The following SNTB1 variants were observed in gnomAD, a reference collection of about 807,000 sequenced individuals.
SNTB1 encodes the protein beta-1-syntrophin.
In SNTB1, 36 loss-of-function variants were observed where a neutral mutation model predicts 48.9. The ratio of observed to expected loss-of-function variants is 0.74; its 90% CI spans 0.56 to 0.97. The LOEUF is 0.97. Ranked by LOEUF, SNTB1 falls within the 50% of genes least tolerant of loss-of-function variation. SNTB1 has a pLI of 0.00. For missense variants in SNTB1, 786 were observed against 703.4 expected, an observed-to-expected ratio of 1.12 and a Z score of -1.33; for synonymous variants, 299 against 294.6, an observed-to-expected ratio of 1.01 and a Z score of -0.15.
chr8:120,764,192 G>A (rs958980568), intron 1 of SNTB1, among the ~76,000 whole-genome samples: 3 of 151,964 alleles, frequency 2.0e-5, no homozygotes, highest in East Asian at 3.9e-4. Context: ...AATAAATTAT[G>A]GTATATACAG....
At position 120,674,693 on chromosome 8, in the gene SNTB1, C is replaced by A. The variant is rs539059435; in HGVS notation, c.788+18999G>T. On this transcript the variant is annotated intron_variant, in intron 2 of 6. Coordinates refer to ENST00000517992, the MANE Select transcript of SNTB1 (RefSeq NM_021021.4). The stretch of plus-strand genomic sequence containing the variant: ...GCCTCATTGGACTTTCACACCAATG[C>A]TGTAATGGCAAGATTGGAGAAAAAA... 7.2e-5 allele frequency among the ~76,000 whole-genome samples: 11 copies of A among 152,156 alleles called. No homozygotes were observed. In the East Asian group the frequency reaches 2.1e-3, roughly 29 times the overall value.
At chr8:120,792,543 T>C (rs908526859) in intron 1 of SNTB1, among the ~76,000 whole-genome samples, 6 of 152,012 alleles carry the variant, frequency 3.9e-5, no homozygotes, top group Non-Finnish European at 7.4e-5. Context: ...TGTTAATTCA[T>C]TCACTCATTC....
In SNTB1 at chr8:120,619,298, CATAT is replaced by C. The variant is rs34972312; in HGVS notation, c.996+13142_996+13145del. 6.1e-5 allele frequency among the ~76,000 whole-genome samples: 9 copies of C among 147,544 alleles called. No individual in the cohort carries two copies. The East Asian group carries it at 9.8e-4, about 16-fold the overall frequency. On this transcript the variant is annotated intron_variant, in intron 3 of 6. Coordinates refer to ENST00000517992, the MANE Select transcript of SNTB1 (RefSeq NM_021021.4). Reference sequence around the variant, plus strand: ...TAATGGGGTATTGGTGAAAATTATACATATATATATATAGAGAGAGAGAGAGAGA... The same window carrying C: ...TAATGGGGTATTGGTGAAAATTATACATATATATAGAGAGAGAGAGAGAGA...
At chr8:120,678,272 T>C (rs911970781) in intron 2 of SNTB1, among the ~76,000 whole-genome samples, 5 of 152,172 alleles carry the variant, frequency 3.3e-5, no homozygotes, top group Non-Finnish European at 5.9e-5. Context: ...TGCTGCCTTT[T>C]TATGGATATG....
At chr8:120,660,437 C>G (rs1817570542) in intron 2 of SNTB1, among the ~76,000 whole-genome samples, 1 of 152,226 alleles carries the variant, frequency 6.6e-6, no homozygotes, top group South Asian at 2.1e-4. Context: ...TAGCTTCACA[C>G]TTTTCTTCTG....
chr8:120,644,980 C>T (rs1433538442), intron 2 of SNTB1, among the ~76,000 whole-genome samples: 3 of 151,626 alleles, frequency 2.0e-5, no homozygotes, highest in Non-Finnish European at 4.4e-5. Flanking sequence ...AGTGTCTGTT[C>T]ATGTCCTTCG....
intron 2 of SNTB1, among the ~76,000 whole-genome samples, chr8:120,673,014 C>T (rs1302047468): frequency 6.6e-6 from 1 of 152,208 alleles, no homozygotes; most frequent in East Asian, 1.9e-4. Context: ...TGTGGCTCCA[C>T]TAGCTGGCCA....
At chr8:120,555,918 A>G (rs1563816299) in intron 4 of SNTB1, among the ~76,000 whole-genome samples, 1 of 152,186 alleles carries the variant, frequency 6.6e-6, no homozygotes, top group African/African-American at 2.4e-5. Flanking sequence ...AGCCAGGAAG[A>G]CAGTCCTCAC....
chr8:120,760,190 T>C (rs1819392998), intron 1 of SNTB1, among the ~76,000 whole-genome samples: 1 of 151,904 alleles, frequency 6.6e-6, no homozygotes, highest in Non-Finnish European at 1.5e-5. Context: ...CCTGAAAACA[T>C]GCTTAGCTCA....
At chr8:120,636,146 T>C (rs977346120) in intron 2 of SNTB1, 1 of 203,174 alleles carries the variant, frequency 4.9e-6, no homozygotes, top group East Asian at 1.1e-4. Context: ...GGGTCCTTCT[T>C]GCTGATGCAG....
chr8:120,538,064 C>T lies in SNTB1; in HGVS notation c.*813G>A, dbSNP rs1191517434. Reference sequence around the variant, plus strand: ...TCTGAAAAAATACCCATAATTCACTCTCTATAAATAAAGCTGTAATTCTTG... The same window carrying T: ...TCTGAAAAAATACCCATAATTCACTTTCTATAAATAAAGCTGTAATTCTTG... On this transcript the variant is annotated 3_prime_UTR_variant, in exon 7 of 7. Transcript: ENST00000517992. The T allele has an allele frequency of 6.6e-6, 1 of 152,288 alleles. No individual in the cohort carries two copies. Among genetic ancestry groups the T allele is most frequent in the Non-Finnish European group, 1.5e-5 (1 of 68,136 alleles). 9.4% of individuals were successfully genotyped at this position (152,288 alleles called of 1,614,324 possible). A position where few individuals can be genotyped will look rare whatever the true frequency, so the allele number is the denominator to read the frequency against.
At chr8:120,738,545 TTTCCTTCCTTCCTTCC>T (rs201478933) in intron 1 of SNTB1, among the ~76,000 whole-genome samples, 6 of 135,726 alleles carry the variant, frequency 4.4e-5, no homozygotes, top group East Asian at 4.2e-4. Flanking sequence ...TCCTTCCTTC[TTTCCTTCCTTCCTTCC>T]TTCCTTCCTT....
intron 1 of SNTB1, among the ~76,000 whole-genome samples, chr8:120,723,644 C>A (rs1235445099): frequency 6.6e-6 from 1 of 152,134 alleles, no homozygotes; most frequent in Non-Finnish European, 1.5e-5. Context: ...TGCACTGGTT[C>A]AGATAGATAG....
chr8:120,611,231 T>C (rs533218729), intron 3 of SNTB1, among the ~76,000 whole-genome samples: 26 of 152,250 alleles, frequency 1.7e-4, no homozygotes, highest in Non-Finnish European at 2.6e-4. Context: ...ATTCCTTAGA[T>C]CTCTGTTCAG....
At chr8:120,568,589 C>T (rs952261562) in intron 4 of SNTB1, among the ~76,000 whole-genome samples, 10 of 152,284 alleles carry the variant, frequency 6.6e-5, no homozygotes, top group Admixed American at 4.6e-4. Flanking sequence ...GGTGATGAGG[C>T]TGGGGTTAAG....
At chr8:120,673,259 C>T (rs1817784412) in intron 2 of SNTB1, among the ~76,000 whole-genome samples, 1 of 151,912 alleles carries the variant, frequency 6.6e-6, no homozygotes, top group African/African-American at 2.4e-5. Context: ...CCTGAAAGGC[C>T]TCTGCAGACT....
chr8:120,811,551 A>G lies in SNTB1; in HGVS notation c.293T>C (p.Leu98Pro), dbSNP rs1424369452. Residue 98 changes from leucine to proline, a missense_variant, in exon 1 of 7, where the codon CTG becomes CCG. Physicochemically the swap from Leu to Pro is moderately conservative, Grantham distance 98. Transcript: ENST00000517992. ...GATGGACTCGGGCACCTGCTCGGGC[A>G]GGTCGGTGAAAGCGGTGCGGACCCC... Reference protein sequence around the residue: ...PAGVRTAFTDLPEQVPESISN... With the variant: ...PAGVRTAFTDPPEQVPESISN... 1 of 1,599,398 alleles carries G rather than the reference A, an allele frequency of 6.3e-7. No individual in the cohort carries two copies.
At chr8:120,711,249 G>C (rs1322613497) in intron 1 of SNTB1, among the ~76,000 whole-genome samples, 2 of 152,050 alleles carry the variant, frequency 1.3e-5, no homozygotes, top group African/African-American at 4.8e-5. Context: ...TGAAACTTAA[G>C]TTTCCTCCAG....
chr8:120,546,966 C>T (rs1815392491), intron 5 of SNTB1, among the ~76,000 whole-genome samples: 1 of 152,176 alleles, frequency 6.6e-6, no homozygotes, highest in Non-Finnish European at 1.5e-5. Context: ...AGTTCCTTGT[C>T]TCTGTAGAAA....
Sources: gnomAD v4.1 joint callset for allele counts (sites outside exome capture counted in the v4.1 genomes callset) on GRCh38, gnomAD v4.1.1 for gene constraint, MANE v1.5 for transcripts, NCBI Gene and HGNC (gene_info 2026-07-23, HGNC 2026-07-21) for gene names.